Variants in COL17A1 observed in about 807,000 individuals in gnomAD.
The protein encoded by COL17A1 is collagen type XVII alpha 1 chain, also known as collagen alpha-1(XVII) chain.
A neutral mutation model predicts 218.4 loss-of-function variants in COL17A1; 181 were observed. The ratio of observed to expected loss-of-function variants is 0.83; its 90% CI spans 0.73 to 0.94. The LOEUF (loss-of-function observed/expected upper bound fraction) is 0.94. COL17A1 is among the 40% of genes least tolerant of loss of function. COL17A1 has a pLI of 0.00. For synonymous variants in COL17A1, 721 were observed against 731.0 expected (o/e 0.99, Z 0.22); for missense variants, 1,924 against 1,945.9 (o/e 0.99, Z 0.21).
At chr10:104,033,201 T>A in intron 53 of COL17A1, 37 bp downstream of exon 53, 1 of 1,569,182 alleles carries the variant, frequency 6.4e-7, no homozygotes, top group South Asian at 1.2e-5. Context: ...ACCTATGCAG[T>A]GAGGCAGGTG....
At chr10:104,075,412 TCTC>T (rs1327700295) in intron 5 of COL17A1, among the ~76,000 whole-genome samples, 1 of 151,900 alleles carries the variant, frequency 6.6e-6, no homozygotes, top group African/African-American at 2.4e-5. Flanking sequence ...TGTGAAGCCT[TCTC>T]CTTACATTTA....
intron 1 of COL17A1, among the ~76,000 whole-genome samples, 185 bp from the exon 2 acceptor site, chr10:104,080,869 A>G (rs1381558604): frequency 6.6e-6 from 1 of 152,192 alleles, no homozygotes; most frequent in Non-Finnish European, 1.5e-5. Context: ...GGTTAATTTA[A>G]TTGTTCCACT....
Position 104,033,280 on chromosome 10 carries a change from C to T in COL17A1, c.4252G>A (p.Ala1418Thr), listed in dbSNP as rs1844714142. Reference sequence around the variant, plus strand: ...AGGTCCGCAGTCACGTTGCTGTAGGCAGAGAAGACCTTGCTGATGCCGGGT... The same window carrying T: ...AGGTCCGCAGTCACGTTGCTGTAGGTAGAGAAGACCTTGCTGATGCCGGGT... ...GPPGISKVFS[A>T]YSNVTADLMD... Residue 1418 changes from alanine to threonine, a missense_variant, in exon 53 of 56, where the codon GCC (alanine) becomes ACC (threonine). Transcript: ENST00000648076. 1.3e-6 allele frequency: 2 copies of T among 1,597,032 alleles called. No individual in the cohort carries two copies. The highest frequency in any genetic ancestry group is 1.8e-5 in the Admixed American group (1 of 56,940).
Position 104,049,398 on chromosome 10 carries a change from G to A in COL17A1, c.2227+11C>T, listed in dbSNP as rs1275635069. On this transcript the variant is annotated intron_variant, in intron 29 of 55. Transcript: ENST00000648076. The stretch of plus-strand genomic sequence containing the variant: ...GGGAACTCACTGAATCCATTCCTTT[G>A]GAACACTTACCCATTGCTCCTTTAG... The A allele has an allele frequency of 9.9e-6, 16 of 1,613,872 alleles. No homozygotes were observed. Among genetic ancestry groups the A allele is most frequent in the Non-Finnish European group, 1.4e-5 (16 of 1,179,776 alleles).
At chr10:104,043,008 C>T (rs1364611574) in intron 35 of COL17A1, among the ~76,000 whole-genome samples, 1 of 152,192 alleles carries the variant, frequency 6.6e-6, no homozygotes, top group Non-Finnish European at 1.5e-5. Context: ...GTTTTATCTC[C>T]TAACAACTTT....
At chr10:104,040,989 C>T in intron 39 of COL17A1, 76 bp downstream of exon 39, 1 of 1,545,504 alleles carries the variant, frequency 6.5e-7, no homozygotes, top group South Asian at 1.1e-5. Context: ...GTTGTGACCA[C>T]AAGGCTACGG....
chr10:104,045,665 C>T, intron 33 of COL17A1, 93 bp downstream of exon 33: 2 of 1,066,756 alleles, frequency 1.9e-6, no homozygotes, highest in South Asian at 1.3e-5. Flanking sequence ...TTGATCCAGG[C>T]TCTGGCCAGA....
intron 9 of COL17A1, among the ~76,000 whole-genome samples, chr10:104,067,695 C>T (rs559201819): frequency 2.0e-5 from 3 of 151,592 alleles, no homozygotes; most frequent in South Asian, 4.2e-4. Context: ...GCTGCAGAGC[C>T]GAAGCAAACA....
intron 2 of COL17A1, among the ~76,000 whole-genome samples, chr10:104,080,339 T>C (rs1018189563): frequency 6.6e-6 from 1 of 152,270 alleles, no homozygotes; most frequent in Non-Finnish European, 1.5e-5. Context: ...AAATAAACTA[T>C]GGTGAATTCA....
chr10:104,067,914 G>T (rs1245759914), intron 9 of COL17A1, among the ~76,000 whole-genome samples: 1 of 152,040 alleles, frequency 6.6e-6, no homozygotes, highest in African/African-American at 2.4e-5. Context: ...AGACACAGAA[G>T]GTGAAACTGG....
At chr10:104,040,548 G>C in intron 39 of COL17A1, 138 bp from the exon 40 acceptor site, 1 of 650,588 alleles carries the variant, frequency 1.5e-6, no homozygotes. Flanking sequence ...ATGAATGGGT[G>C]GGTGGATGAA....
At chr10:104,046,303 G>A (rs1589562609) in intron 32 of COL17A1, among the ~76,000 whole-genome samples, 3 of 152,116 alleles carry the variant, frequency 2.0e-5, no homozygotes, top group East Asian at 3.9e-4. Context: ...AGTGATATGG[G>A]GGCACAATGG....
intron 46 of COL17A1, 30 bp downstream of exon 46, chr10:104,037,606 G>A (rs754241300): frequency 6.2e-7 from 1 of 1,613,800 alleles, no homozygotes; most frequent in South Asian, 1.1e-5. Flanking sequence ...GGAGGAAGGT[G>A]CCAGGTGCAG....
chr10:104,031,390 A>G lies in COL17A1; in HGVS notation c.*845T>C, dbSNP rs1011477563. 3 of 152,656 alleles carry G rather than the reference A, an allele frequency of 2.0e-5. No individual in the cohort carries two copies. The highest frequency in any genetic ancestry group is 7.2e-5 in the African/African-American group (3 of 41,466). 9.5% of individuals were successfully genotyped at this position (152,656 alleles called of 1,614,324 possible). ...TTTAGACATTGAAAAGTGGTTAAAGACCAACTGCGCCCAGTCCCCCAAGTG... is the reference window on the plus strand; with the variant it reads ...TTTAGACATTGAAAAGTGGTTAAAGGCCAACTGCGCCCAGTCCCCCAAGTG... On this transcript the variant is annotated 3_prime_UTR_variant, in exon 56 of 56. Coordinates refer to ENST00000648076, the MANE Select transcript of COL17A1 (RefSeq NM_000494.4).
At chr10:104,037,302 G>C (rs202093578) in intron 46 of COL17A1, among the ~76,000 whole-genome samples, 189 bp from the exon 47 acceptor site, 1 of 93,648 alleles carries the variant, frequency 1.1e-5, no homozygotes, top group Non-Finnish European at 2.5e-5. Flanking sequence ...TTTTTTTTTT[G>C]TAAGAAAGGA....
intron 3 of COL17A1, 137 bp from the exon 4 acceptor site, chr10:104,077,663 A>G (rs532350739): frequency 2.8e-6 from 2 of 723,228 alleles, no homozygotes; most frequent in Non-Finnish European, 5.0e-6. Flanking sequence ...CACCTACATT[A>G]TAAGATGCAA....
intron 9 of COL17A1, among the ~76,000 whole-genome samples, chr10:104,066,886 GAT>G (rs1233776122): frequency 6.6e-6 from 1 of 152,206 alleles, no homozygotes; most frequent in African/African-American, 2.4e-5. Flanking sequence ...GGAGAAGTTG[GAT>G]ATGTAAGTGT....
intron 48 of COL17A1, among the ~76,000 whole-genome samples, chr10:104,036,121 A>AGTGAGTATGGGAGTGTGAGTATGGGT (rs2086292575): frequency 1.2e-3 from 1 of 802 alleles, no homozygotes; most frequent in Non-Finnish European, 3.5e-3. Flanking sequence ...TGTGTATGGG[A>AGTGAGTATGGGAGTGTGAGTATGGGT]GTGTGTGTAT....
intron 1 of COL17A1, among the ~76,000 whole-genome samples, chr10:104,081,213 T>G (rs2086762132): frequency 6.6e-6 from 1 of 152,192 alleles, no homozygotes; most frequent in African/African-American, 2.4e-5. Context: ...TAATTATATT[T>G]GTCGTACTTG....
Sources: gnomAD v4.1 joint callset for allele counts (sites outside exome capture counted in the v4.1 genomes callset) on GRCh38, gnomAD v4.1.1 for gene constraint, MANE v1.5 for transcripts, NCBI Gene and HGNC (gene_info 2026-07-23, HGNC 2026-07-21) for gene names.